Variants in HTR3B observed in about 807,000 individuals in gnomAD.
The protein encoded by HTR3B is 5-hydroxytryptamine (serotonin) receptor 3B, ionotropic.
HTR3B carries 44 observed loss-of-function variants against 42.8 expected under a neutral mutation model. The ratio of observed to expected loss-of-function variants is 1.03; its 90% CI spans 0.81 to 1.32. HTR3B has a LOEUF of 1.32. HTR3B is among the 40% of genes most tolerant of loss of function. The pLI, the probability that HTR3B is intolerant of heterozygous loss-of-function variation, is 0.00. For synonymous variants in HTR3B, 203 were observed against 209.0 expected, an observed-to-expected ratio of 0.97 and a Z score of 0.25; for missense variants, 527 against 536.5, an observed-to-expected ratio of 0.98 and a Z score of 0.17.
chr11:113,929,465 A>G (rs112177617), intron 2 of HTR3B, among the ~76,000 whole-genome samples: 1 of 152,204 alleles, frequency 6.6e-6, no homozygotes, highest in African/African-American at 2.4e-5. Flanking sequence ...CATGGTAGAG[A>G]GAGATCTTTC....
chr11:113,926,953 T>A (rs1368285073), intron 2 of HTR3B, among the ~76,000 whole-genome samples: 1 of 152,244 alleles, frequency 6.6e-6, no homozygotes, highest in Non-Finnish European at 1.5e-5. Flanking sequence ...GCTGTCTTAG[T>A]GAGGATACAG....
intron 8 of HTR3B, 85 bp downstream of exon 8, chr11:113,944,840 G>C (rs574031400): frequency 7.7e-7 from 1 of 1,297,612 alleles, no homozygotes; most frequent in Non-Finnish European, 1.1e-6. Flanking sequence ...TAGGTATTGC[G>C]TTGGCCTATG....
At chr11:113,909,113 G>C in intron 1 of HTR3B, 182 bp from the exon 2 acceptor site, 1 of 610,946 alleles carries the variant, frequency 1.6e-6, no homozygotes, top group Non-Finnish European at 2.9e-6. Context: ...TGGGCACTTA[G>C]GCCATCAGCT....
rs888718995 is a variant in HTR3B, at chr11:113,946,599, G to A, written c.*462G>A. Reference sequence around the variant, plus strand: ...TGAGTCCAGCTTCATACACCTAATAGTCTGCTGTGTGACCCAAGGATCATA... The same window carrying A: ...TGAGTCCAGCTTCATACACCTAATAATCTGCTGTGTGACCCAAGGATCATA... On this transcript the variant is annotated 3_prime_UTR_variant, in exon 9 of 9. Coordinates refer to ENST00000260191, the MANE Select transcript of HTR3B (RefSeq NM_006028.5). 6.5e-6 allele frequency: 1 copy of A among 153,424 alleles called. No individual in the cohort carries two copies. Among genetic ancestry groups the A allele is most frequent in the African/African-American group, 2.4e-5 (1 of 41,406 alleles). The allele number at this position is 153,424 out of a possible 1,614,324, so 9.5% of individuals were successfully genotyped here.
At chr11:113,924,225 G>C (rs935098020) in intron 2 of HTR3B, among the ~76,000 whole-genome samples, 3 of 152,000 alleles carry the variant, frequency 2.0e-5, no homozygotes, top group Admixed American at 6.6e-5. Flanking sequence ...CTTTCTATTT[G>C]TGGGGAACCT....
At chr11:113,919,837 A>G (rs1949895359) in intron 2 of HTR3B, among the ~76,000 whole-genome samples, 1 of 150,790 alleles carries the variant, frequency 6.6e-6, no homozygotes, top group Non-Finnish European at 1.5e-5. Context: ...TCAAAACAAC[A>G]ACAACAACAA....
upstream of HTR3B, chr11:113,904,621 C>T (rs1949720824): frequency 3.4e-6 from 1 of 297,436 alleles, no homozygotes; most frequent in Non-Finnish European, 6.3e-6. Flanking sequence ...AGGGGCTCCT[C>T]TTAGATTACA....
rs369218108 is a variant in HTR3B at position 113,910,504 on chromosome 11, G to C, written c.213+1049G>C. On this transcript the variant is annotated intron_variant, in intron 2 of 8. Transcript: ENST00000260191. ...CACCCAGGCTGGAGTCCAATGGCACGATCTCGGCTCACTGCAACCTTTGCG... is the reference window on the plus strand; with the variant it reads ...CACCCAGGCTGGAGTCCAATGGCACCATCTCGGCTCACTGCAACCTTTGCG... Among the ~76,000 whole-genome samples the C allele has an allele frequency of 9.4e-5, 14 of 148,644 alleles. No homozygotes were observed. The East Asian group carries it at 1.2e-3, about 13-fold the overall frequency.
chr11:113,910,195 G>T (rs1191004276), intron 2 of HTR3B, among the ~76,000 whole-genome samples: 1 of 151,980 alleles, frequency 6.6e-6, no homozygotes, highest in Non-Finnish European at 1.5e-5. Context: ...TTATAAGGGG[G>T]CTTTTATACC....
intron 2 of HTR3B, among the ~76,000 whole-genome samples, chr11:113,926,290 A>G (rs2137512564): frequency 6.6e-6 from 1 of 152,208 alleles, no homozygotes; most frequent in Non-Finnish European, 1.5e-5. Flanking sequence ...TATTGGTTTC[A>G]CTTTTTAACT....
chr11:113,910,424 T>G (rs1469442037), intron 2 of HTR3B, among the ~76,000 whole-genome samples: 1 of 150,336 alleles, frequency 6.7e-6, no homozygotes, highest in Non-Finnish European at 1.5e-5. Flanking sequence ...GGTCCCAGAG[T>G]TATTTTGATT....
chr11:113,912,006 C>T (rs924624637), intron 2 of HTR3B, among the ~76,000 whole-genome samples: 5 of 152,060 alleles, frequency 3.3e-5, no homozygotes, highest in African/African-American at 1.2e-4. Context: ...ATTGTGTGTA[C>T]TCGATTGTGT....
At chr11:113,925,900 A>C (rs138948572) in intron 2 of HTR3B, among the ~76,000 whole-genome samples, 1 of 152,278 alleles carries the variant, frequency 6.6e-6, no homozygotes, top group East Asian at 1.9e-4. Flanking sequence ...AAAATTCACC[A>C]ATTTAAAGTA....
At chr11:113,934,640 C>G (rs530261006) in intron 6 of HTR3B, among the ~76,000 whole-genome samples, 1 of 152,034 alleles carries the variant, frequency 6.6e-6, no homozygotes, top group African/African-American at 2.4e-5. Context: ...GCAACTCATA[C>G]CCTCCTGATG....
chr11:113,913,203 GT>G (rs543300213), intron 2 of HTR3B, among the ~76,000 whole-genome samples: 7 of 150,196 alleles, frequency 4.7e-5, no homozygotes, highest in South Asian at 2.1e-4. Context: ...TTCTTTCTTT[GT>G]TTTTTTTGAG....
At position 113,942,895 on chromosome 11, in the gene HTR3B, C is replaced by T. The variant is rs1041621239; in HGVS notation, c.697-87C>T. 1.9e-5 allele frequency: 21 copies of T among 1,098,816 alleles called. No individual in the cohort carries two copies. In the East Asian group the frequency reaches 2.5e-4, roughly 13 times the overall value. The allele number at this position is 1,098,816 out of a possible 1,614,324, so 68.1% of individuals were successfully genotyped here. A position where few individuals can be genotyped will look rare whatever the true frequency, so the allele number is the denominator to read the frequency against. Reference sequence around the variant, plus strand: ...ACATTATGCAAAAACGTTGGGTCTTCGGGGAGAATTCCTGGCTATGAATTT... The same window carrying T: ...ACATTATGCAAAAACGTTGGGTCTTTGGGGAGAATTCCTGGCTATGAATTT... On this transcript the variant is annotated intron_variant, in intron 6 of 8. Transcript: ENST00000260191.
intron 8 of HTR3B, 39 bp from the exon 9 acceptor site, chr11:113,945,863 G>C (rs1397655839): frequency 6.9e-7 from 1 of 1,454,718 alleles, no homozygotes; most frequent in African/African-American, 1.4e-5. Context: ...GGTCTTGGTA[G>C]TCCCTGGCTC....
At chr11:113,938,513 A>G (rs1480140449) in intron 6 of HTR3B, among the ~76,000 whole-genome samples, 1 of 152,178 alleles carries the variant, frequency 6.6e-6, no homozygotes, top group Non-Finnish European at 1.5e-5. Context: ...GCCTGATCCT[A>G]CAAGATGGGA....
chr11:113,938,748 T>G (rs922522164), intron 6 of HTR3B, among the ~76,000 whole-genome samples: 1 of 152,182 alleles, frequency 6.6e-6, no homozygotes, highest in Admixed American at 6.5e-5. Context: ...CCTGGCACTG[T>G]GGCTAACGAC....
Sources: gnomAD v4.1 joint callset for allele counts (sites outside exome capture counted in the v4.1 genomes callset) on GRCh38, gnomAD v4.1.1 for gene constraint, MANE v1.5 for transcripts, NCBI Gene and HGNC (gene_info 2026-07-23, HGNC 2026-07-21) for gene names.